The following C19orf38 variants were observed in gnomAD, a reference collection of about 807,000 sequenced individuals.
C19orf38 encodes chromosome 19 open reading frame 38, also known as protein HIDE1.
Under a neutral mutation model 26.6 loss-of-function variants are expected in C19orf38, and 14 were observed. The ratio of observed to expected loss-of-function variants is 0.53; its 90% confidence interval spans 0.35 to 0.82. The LOEUF (loss-of-function observed/expected upper bound fraction) is 0.82, where lower values mean the gene tolerates loss of function less well. Among genes scored for constraint, C19orf38 ranks in the 40% least tolerant of loss-of-function variants. The pLI, the probability that C19orf38 is intolerant of heterozygous loss-of-function variation, is 0.01. For missense variants in C19orf38, 261 were observed against 299.5 expected, an observed-to-expected ratio of 0.87 and a Z score of 0.95; for synonymous variants, 132 against 128.5, an observed-to-expected ratio of 1.03 and a Z score of -0.18.
chr19:10,864,062 G>A (rs1266976617), intron 6 of C19orf38, among the ~76,000 whole-genome samples: 1 of 152,142 alleles, frequency 6.6e-6, no homozygotes, highest in Non-Finnish European at 1.5e-5. Context: ...AGCAGAGGGA[G>A]GGATTTGTTT....
chr19:10,865,871 G>A (rs1442702496), intron 6 of C19orf38, among the ~76,000 whole-genome samples: 2 of 151,694 alleles, frequency 1.3e-5, no homozygotes, highest in African/African-American at 4.8e-5. Context: ...GGAGTGCAGG[G>A]GCACCATCAT....
At chr19:10,852,497 A>C (rs1352284721) in intron 2 of C19orf38, among the ~76,000 whole-genome samples, 1 of 152,182 alleles carries the variant, frequency 6.6e-6, no homozygotes, top group Non-Finnish European at 1.5e-5. Flanking sequence ...AGCCCTCTGG[A>C]CTCTGAAGTA....
intron 2 of C19orf38, among the ~76,000 whole-genome samples, chr19:10,853,857 A>G (rs1335489583): frequency 1.3e-5 from 2 of 150,702 alleles, no homozygotes; most frequent in Non-Finnish European, 3.0e-5. Flanking sequence ...CAGCCTCCCA[A>G]AGTGCTGAGA....
intron 1 of C19orf38, chr19:10,842,121 G>A: frequency 3.2e-6 from 5 of 1,578,986 alleles, no homozygotes; most frequent in Non-Finnish European, 4.4e-6. Flanking sequence ...TGTATCCTCA[G>A]TTGACTCATT....
intron 4 of C19orf38, among the ~76,000 whole-genome samples, chr19:10,858,697 C>CACTCTAG (rs1271039520): frequency 6.6e-6 from 1 of 152,112 alleles, no homozygotes; most frequent in Non-Finnish European, 1.5e-5. Flanking sequence ...CGGTCACAAT[C>CACTCTAG]ACTCTAGACA....
At chr19:10,837,204 C>A (rs548335262) in intron 1 of C19orf38, among the ~76,000 whole-genome samples, 1 of 152,316 alleles carries the variant, frequency 6.6e-6, no homozygotes, top group East Asian at 1.9e-4. Context: ...AAATAATAAT[C>A]TGTTATTTGG....
chr19:10,863,232 C>T lies in C19orf38; in HGVS notation c.543+25C>T, dbSNP rs200869849. 8 of 1,548,768 alleles carry T rather than the reference C, an allele frequency of 5.2e-6. No homozygotes were observed. In the East Asian group the frequency reaches 7.3e-5, roughly 14 times the overall value. On this transcript the variant is annotated intron_variant, in intron 6 of 6. Coordinates refer to ENST00000397820, the MANE Select transcript of C19orf38 (RefSeq NM_001136482.3). ...GGTGAGTGGTTCTTTTTCTTGGAAC[C>T]GGTTTTCTGCTGACCGTCCTACCGG...
rs189492832 is a variant in C19orf38 at position 10,849,749 on chromosome 19, A to G, written c.32-510A>G. Among the ~76,000 whole-genome samples the G allele has an allele frequency of 9.0e-4, 137 of 152,234 alleles. 1 individual carries two copies. In the Middle Eastern group the frequency reaches 0.01, roughly 11 times the overall value. ...AAAATAAGAGTATAGTTGTGTTGCTATGTAATAACCAATGCTATTATTGAA... is the reference window on the plus strand; with the variant it reads ...AAAATAAGAGTATAGTTGTGTTGCTGTGTAATAACCAATGCTATTATTGAA... On this transcript the variant is annotated intron_variant, in intron 1 of 6. Coordinates refer to ENST00000397820, the MANE Select transcript of C19orf38 (RefSeq NM_001136482.3).
At chr19:10,858,248 A>AC (rs2146265331) in intron 3 of C19orf38, 68 bp from the exon 4 acceptor site, 4 of 1,272,356 alleles carry the variant, frequency 3.1e-6, no homozygotes, top group East Asian at 2.7e-5. Context: ...AAAAAAAAAA[A>AC]AAAACAGAAA....
chr19:10,840,264 C>T (rs957132379), intron 1 of C19orf38, among the ~76,000 whole-genome samples: 7 of 152,148 alleles, frequency 4.6e-5, no homozygotes, highest in South Asian at 2.1e-4. Flanking sequence ...CCACCAACCA[C>T]GTATGAGGGT....
In C19orf38 at chr19:10,858,359, G is replaced by C; in HGVS notation, c.461+16G>C. ...AGAAGAAAAGGTGAGATCATCCCTG[G>C]AGACCCACAGAGGGTGGTTTGGGGA... is the stretch of plus-strand genomic sequence containing the variant. On this transcript the variant is annotated intron_variant, in intron 4 of 6. Coordinates refer to ENST00000397820, the MANE Select transcript of C19orf38 (RefSeq NM_001136482.3). 1 of 1,544,840 alleles carries C rather than the reference G, an allele frequency of 6.5e-7. No individual in the cohort carries two copies. Among genetic ancestry groups the C allele is most frequent in the Non-Finnish European group, 8.8e-7 (1 of 1,142,778 alleles).
chr19:10,862,746 T>C (rs954301398), intron 5 of C19orf38, among the ~76,000 whole-genome samples: 2 of 152,060 alleles, frequency 1.3e-5, no homozygotes, highest in African/African-American at 4.8e-5. Context: ...GGACAATCAC[T>C]TGAACCCAGG....
chr19:10,837,182 C>T (rs1208984280), intron 1 of C19orf38, among the ~76,000 whole-genome samples: 1 of 152,214 alleles, frequency 6.6e-6, no homozygotes, highest in Non-Finnish European at 1.5e-5. Flanking sequence ...TGGGACATCA[C>T]AGGCCCTCAG....
At chr19:10,854,641 G>T in intron 2 of C19orf38, among the ~76,000 whole-genome samples, 1 of 152,106 alleles carries the variant, frequency 6.6e-6, no homozygotes, top group Admixed American at 6.6e-5. Context: ...CTCCCTTGGG[G>T]TCAGGGCATC....
chr19:10,858,240 A>C (rs932662406), intron 3 of C19orf38, 76 bp from the exon 4 acceptor site: 100 of 1,198,092 alleles, frequency 8.3e-5, no homozygotes, highest in Admixed American at 6.4e-4. Flanking sequence ...AAAAAAAAAA[A>C]AAAAAAAAAA....
chr19:10,864,914 A>G (rs568756714), intron 6 of C19orf38, among the ~76,000 whole-genome samples: 24 of 152,234 alleles, frequency 1.6e-4, no homozygotes, highest in African/African-American at 5.3e-4. Flanking sequence ...ACAGTTCAGG[A>G]GAGAGGTCAG....
intron 5 of C19orf38, 36 bp downstream of exon 5, chr19:10,859,994 AG>A (rs1251525234): frequency 1.3e-6 from 2 of 1,533,584 alleles, no homozygotes; most frequent in Non-Finnish European, 1.8e-6. Flanking sequence ...CAGTGGGGAA[AG>A]GATTACACCT....
intron 6 of C19orf38, 108 bp downstream of exon 6, chr19:10,863,315 C>A: frequency 7.9e-7 from 1 of 1,262,898 alleles, no homozygotes; most frequent in Non-Finnish European, 1.1e-6. Flanking sequence ...TGTCTCTAAG[C>A]TGCGGGGGGG....
intron 3 of C19orf38, 75 bp downstream of exon 3, chr19:10,856,432 C>A: frequency 8.7e-7 from 1 of 1,150,128 alleles, no homozygotes; most frequent in Non-Finnish European, 1.3e-6. Context: ...CTTACACTCA[C>A]AACTCACACC....
Sources: gnomAD v4.1 joint callset for allele counts (sites outside exome capture counted in the v4.1 genomes callset) on GRCh38, gnomAD v4.1.1 for gene constraint, MANE v1.5 for transcripts, NCBI Gene and HGNC (gene_info 2026-07-23, HGNC 2026-07-21) for gene names.